Variants in IPO9 observed in about 807,000 individuals in gnomAD.
IPO9 encodes the protein importin 9.
IPO9 carries 28 observed loss-of-function variants against 128.6 expected under a neutral mutation model. That is an observed-to-expected ratio of 0.22 (90% CI 0.16 to 0.30). IPO9 has a LOEUF of 0.30. Ranked by LOEUF, IPO9 falls within the 10% of genes least tolerant of loss-of-function variation. IPO9 has a pLI of 1.00. For synonymous variants in IPO9, 455 were observed against 475.8 expected (o/e 0.96, Z 0.57); for missense variants, 935 against 1,293.9 (o/e 0.72, Z 4.26).
At chr1:201,833,888 C>T (rs1679879601) in intron 1 of IPO9, among the ~76,000 whole-genome samples, 1 of 152,128 alleles carries the variant, frequency 6.6e-6, no homozygotes, top group South Asian at 2.1e-4. Context: ...TGGGCTTACG[C>T]AGTCCTCCCA....
At position 201,854,970 on chromosome 1, in the gene IPO9, G is replaced by A. The variant is rs376764470; in HGVS notation, c.911+47G>A. ...AGGGAGCTACTACCACCTATAGTTA[G>A]GAATCTCGCACTGGGTTTCACATTC... On this transcript the variant is annotated intron_variant, in intron 8 of 23. Coordinates refer to ENST00000361565, the MANE Select transcript of IPO9 (RefSeq NM_018085.5). 1.5e-5 allele frequency: 22 copies of A among 1,484,562 alleles called. No individual in the cohort carries two copies. The African/African-American group carries it at 2.8e-4, about 19-fold the overall frequency. The allele number at this position is 1,484,562 out of a possible 1,614,324, so 92.0% of individuals were successfully genotyped here.
intron 1 of IPO9, among the ~76,000 whole-genome samples, chr1:201,838,151 A>G (rs758427240): frequency 1.2e-4 from 19 of 152,246 alleles, no homozygotes; most frequent in Admixed American, 2.6e-4. Flanking sequence ...GAAGTTACAT[A>G]AGGCACACCA....
chr1:201,877,350 A>C lies in IPO9; in HGVS notation c.*1296A>C, dbSNP rs1680783818. 1 of 152,156 alleles carries C rather than the reference A, an allele frequency of 6.6e-6. No homozygotes were observed. Among genetic ancestry groups the C allele is most frequent in the African/African-American group, 2.4e-5 (1 of 41,424 alleles). The allele number at this position is 152,156 out of a possible 1,614,324, so 9.4% of individuals were successfully genotyped here. A position where few individuals can be genotyped will look rare whatever the true frequency, so the allele number is the denominator to read the frequency against. On this transcript the variant is annotated 3_prime_UTR_variant, in exon 24 of 24. Coordinates refer to ENST00000361565, the MANE Select transcript of IPO9 (RefSeq NM_018085.5). ...ACCTGCATTTCTACTAAAAATACAA[A>C]AATTAGCTGGGCATGGTGGTGCATG...
intron 20 of IPO9, among the ~76,000 whole-genome samples, chr1:201,873,864 G>A (rs1339979527): frequency 6.6e-6 from 1 of 152,214 alleles, no homozygotes; most frequent in Non-Finnish European, 1.5e-5. Flanking sequence ...CCTTTGGCCT[G>A]TAACTCCAAT....
chr1:201,858,930 C>T lies in IPO9; in HGVS notation c.1404C>T (p.Gly468=). The part of the protein sequence containing the change: ...KAIITDSVKN[G]RIHFDMHGFL... ...TCATCACTGACAGTGTGAAAAATGG[C>T]AGGATTCATTTTGACATGCATGGGT... Residue 468 remains glycine, a synonymous_variant, in exon 13 of 24, where the codon GGC becomes GGT. Transcript: ENST00000361565. 6.2e-7 allele frequency: 1 copy of T among 1,612,626 alleles called. No individual in the cohort carries two copies. The highest frequency in any genetic ancestry group is 1.3e-5 in the African/African-American group (1 of 74,956).
rs116487676 is a variant in IPO9 at position 201,846,995 on chromosome 1, G to A, written c.164-284G>A. ...CATGTTTCAATTACCACATTAATTG[G>A]TCTAAGAGGAAGGTGTTGTCATCTT... is the stretch of plus-strand genomic sequence containing the variant. On this transcript the variant is annotated intron_variant, in intron 1 of 23. Coordinates refer to ENST00000361565, the MANE Select transcript of IPO9 (RefSeq NM_018085.5). Among the ~76,000 whole-genome samples, 138 of 152,302 alleles carry A rather than the reference G, an allele frequency of 9.1e-4. 1 individual carries two copies. The highest frequency in any genetic ancestry group is 3.2e-3 in the African/African-American group (133 of 41,580).
At chr1:201,831,940 C>T (rs1192161181) in intron 1 of IPO9, among the ~76,000 whole-genome samples, 3 of 151,948 alleles carry the variant, frequency 2.0e-5, no homozygotes, top group African/African-American at 2.4e-5. Context: ...CTCAGTCTGT[C>T]GCCCAGGCTG....
chr1:201,855,462 G>A (rs1439194805), intron 9 of IPO9, among the ~76,000 whole-genome samples: 1 of 152,134 alleles, frequency 6.6e-6, no homozygotes, highest in African/African-American at 2.4e-5. Context: ...GCATTTTGTT[G>A]TGTTTCATTT....
At chr1:201,875,455 T>C (rs1449808250) in intron 23 of IPO9, among the ~76,000 whole-genome samples, 1 of 152,068 alleles carries the variant, frequency 6.6e-6, no homozygotes, top group Admixed American at 6.6e-5. Flanking sequence ...CTGGGCATAG[T>C]GGCACACCCC....
chr1:201,862,544 C>G (rs1464739661), intron 13 of IPO9, among the ~76,000 whole-genome samples: 1 of 151,762 alleles, frequency 6.6e-6, no homozygotes, highest in South Asian at 2.1e-4. Flanking sequence ...CCATGGCTCA[C>G]ACCTGTAATC....
chr1:201,855,674 G>C (rs1571547555), intron 9 of IPO9, 109 bp from the exon 10 acceptor site: 1 of 969,690 alleles, frequency 1.0e-6, no homozygotes, highest in East Asian at 2.7e-5. Flanking sequence ...TCATTAGCAA[G>C]TACTTTAAAT....
At chr1:201,873,148 A>G (rs2102890368) in intron 20 of IPO9, among the ~76,000 whole-genome samples, 187 bp downstream of exon 20, 1 of 152,324 alleles carries the variant, frequency 6.6e-6, no homozygotes, top group Middle Eastern at 3.4e-3. Flanking sequence ...GTTGTGGAAA[A>G]TGGACAAAAA....
intron 1 of IPO9, among the ~76,000 whole-genome samples, chr1:201,834,460 T>C (rs1279156440): frequency 6.6e-6 from 1 of 152,182 alleles, no homozygotes; most frequent in Non-Finnish European, 1.5e-5. Context: ...GTCAGCCTTT[T>C]ATTTTTGGTG....
intron 14 of IPO9, among the ~76,000 whole-genome samples, chr1:201,865,976 A>G (rs917873308): frequency 6.6e-5 from 10 of 152,188 alleles, no homozygotes; most frequent in African/African-American, 2.4e-4. Context: ...TAGATTACAG[A>G]GTTTGCATCA....
intron 1 of IPO9, among the ~76,000 whole-genome samples, chr1:201,835,888 G>A (rs1161575797): frequency 6.6e-6 from 1 of 152,074 alleles, no homozygotes; most frequent in Admixed American, 6.5e-5. Flanking sequence ...GAGGAGGGCG[G>A]ATCACAAGGT....
At chr1:201,847,386 G>T (rs1558217978) in intron 2 of IPO9, 46 bp downstream of exon 2, 1 of 1,555,040 alleles carries the variant, frequency 6.4e-7, no homozygotes, top group East Asian at 2.2e-5. Flanking sequence ...CCTTTCCTTG[G>T]TAATGAAACT....
At position 201,866,760 on chromosome 1, in the gene IPO9, G is replaced by A. The variant is rs1680561088; in HGVS notation, c.1656G>A (p.Glu552=). 1.2e-6 allele frequency: 2 copies of A among 1,613,854 alleles called. No homozygotes were observed. The highest frequency in any genetic ancestry group is 3.3e-5 in the Admixed American group (2 of 59,982). The change falls in exon 15 of 24, where the codon GAG becomes GAA. Residue 552 remains glutamate (E), a synonymous_variant. Coordinates refer to ENST00000361565, the MANE Select transcript of IPO9 (RefSeq NM_018085.5). ...WGYCDQLKVS[E]STHVLQPFLP... is the part of the protein sequence containing the mutation. ...ATTGTGACCAACTGAAAGTCTCAGA[G>A]AGTACCCACGTGCTCCAGCCCTTCC... is the stretch of plus-strand genomic sequence containing the variant.
rs1355907948 is a variant in IPO9, at chr1:201,868,705, C to T, written c.1913C>T (p.Ala638Val). 6.2e-7 allele frequency: 1 copy of T among 1,614,020 alleles called. No homozygotes were observed. The highest frequency in any genetic ancestry group is 1.1e-5 in the South Asian group (1 of 91,036). Residue 638 changes from alanine (A) to valine (V), a missense_variant, in exon 16 of 24, where the codon GCC (alanine) becomes GTC (valine). Physicochemically the swap from Ala to Val is moderately conservative, Grantham distance 64 (BLOSUM62 0). This residue lies in a region of IPO9 where 741 missense variants were observed against 1,019.1 expected (regional missense o/e 0.73). Coordinates refer to ENST00000361565, the MANE Select transcript of IPO9 (RefSeq NM_018085.5). ...DIFKELSQIE[A>V]CQGPMQMRLI... ...TTCAAGGAGCTGTCCCAGATTGAAG[C>T]CTGTCAGGGCCCAATGCAAATGAGG...
At chr1:201,847,530 A>T in intron 2 of IPO9, 22 bp from the exon 3 acceptor site, 5 of 1,599,762 alleles carry the variant, frequency 3.1e-6, no homozygotes, top group African/African-American at 1.3e-5. Context: ...TTGCTGTACT[A>T]CTTGGCTTAT....
Sources: allele counts gnomAD v4.1 joint callset (sites outside exome capture counted in the v4.1 genomes callset), GRCh38; gene constraint gnomAD v4.1.1; regional missense constraint gnomAD v4.1.1; transcripts MANE v1.5; gene names NCBI Gene and HGNC (gene_info 2026-07-23, HGNC 2026-07-21).